The following EPB41L3 variants were observed in gnomAD, a reference collection of about 807,000 sequenced individuals.
EPB41L3 encodes the protein erythrocyte membrane protein band 4.1 like 3.
Under a neutral mutation model 127.1 loss-of-function variants are expected in EPB41L3, and 57 were observed. That is an observed-to-expected ratio of 0.45 (90% CI 0.36 to 0.56). The LOEUF (loss-of-function observed/expected upper bound fraction) is 0.56. Among genes scored for constraint, EPB41L3 ranks in the 20% least tolerant of loss-of-function variants. EPB41L3 has a pLI of 0.00. For missense variants in EPB41L3, 1,273 were observed against 1,372.2 expected (o/e 0.93, Z 1.14); for synonymous variants, 572 against 549.5 (o/e 1.04, Z -0.57).
intron 3 of EPB41L3, among the ~76,000 whole-genome samples, chr18:5,561,257 G>A (rs1034295238): frequency 1.8e-4 from 27 of 152,108 alleles, no homozygotes; most frequent in African/African-American, 5.8e-4. Flanking sequence ...GATTATAGGC[G>A]TGAGCCACCG....
At chr18:5,448,063 GA>G (rs2081772913) in intron 3 of EPB41L3, among the ~76,000 whole-genome samples, 1 of 152,122 alleles carries the variant, frequency 6.6e-6, no homozygotes, top group South Asian at 2.1e-4. Context: ...GATGACTATG[GA>G]AAAGGCTTTT....
intron 3 of EPB41L3, among the ~76,000 whole-genome samples, chr18:5,457,934 T>C (rs779855307): frequency 6.6e-6 from 1 of 152,144 alleles, no homozygotes; most frequent in Admixed American, 6.5e-5. Context: ...TTTATTTTTG[T>C]TTGTATTAGA....
intron 1 of EPB41L3, among the ~76,000 whole-genome samples, chr18:5,497,682 C>T (rs1003508835): frequency 6.6e-6 from 1 of 152,220 alleles, no homozygotes; most frequent in African/African-American, 2.4e-5. Context: ...AACCCGATAT[C>T]ATCAGCAATA....
In EPB41L3 at chr18:5,397,553, G is replaced by A. The variant is rs150053008; in HGVS notation, c.2473-127C>T. On this transcript the variant is annotated intron_variant, in intron 17 of 22. Transcript: ENST00000341928. The surrounding 1 kb of genome is among the most constrained non-coding windows in gnomAD (Gnocchi z 4.1). ...AGTGCTTATAACCAGAAACACTGACGAAAAATATAAATTAGCTTTCATTTC... is the reference window on the plus strand; with the variant it reads ...AGTGCTTATAACCAGAAACACTGACAAAAAATATAAATTAGCTTTCATTTC... 742 of 1,151,874 alleles carry A rather than the reference G, an allele frequency of 6.4e-4. 2 individuals are homozygous for A. In the East Asian group the frequency reaches 0.017, roughly 26 times the overall value. 71.4% of individuals were successfully genotyped at this position (1,151,874 alleles called of 1,614,324 possible). A position where few individuals can be genotyped will look rare whatever the true frequency, so the allele number is the denominator to read the frequency against.
intron 11 of EPB41L3, among the ~76,000 whole-genome samples, chr18:5,421,892 G>C (rs1373021708): frequency 6.6e-6 from 1 of 152,006 alleles, no homozygotes; most frequent in East Asian, 1.9e-4. Flanking sequence ...TCAGGTGACA[G>C]GTGCACTAAA....
chr18:5,415,438 T>A (rs954543532), intron 13 of EPB41L3, among the ~76,000 whole-genome samples: 15 of 152,222 alleles, frequency 9.9e-5, no homozygotes, highest in Admixed American at 7.2e-4. Context: ...TCATTTAAGT[T>A]GAAAACTACT....
chr18:5,436,502 A>G (rs1177803574), intron 6 of EPB41L3, among the ~76,000 whole-genome samples: 9 of 134,562 alleles, frequency 6.7e-5, no homozygotes, highest in African/African-American at 2.2e-4. Flanking sequence ...TCCGCCTCCC[A>G]GGTTCACGCC....
chr18:5,433,529 C>T lies in EPB41L3; in HGVS notation c.852G>A (p.Met284Ile). The T allele has an allele frequency of 6.2e-7, 1 of 1,613,194 alleles. No individual in the cohort carries two copies. ...ATTTTTTGGCATTTTCCAAGAAATG[C>T]ATCTCTGCTTCTGCTGGCGTCATTC... ...HRGMTPAEAE[M>I]HFLENAKKLS... Residue 284 changes from methionine (M) to isoleucine (I), a missense_variant, in exon 8 of 23, where the codon ATG becomes ATA. Physicochemically the swap from Met to Ile is conservative, Grantham distance 10. This residue lies in a region of EPB41L3 where 326 missense variants were observed against 440.2 expected (regional missense o/e 0.74). Coordinates refer to ENST00000341928, the MANE Select transcript of EPB41L3 (RefSeq NM_012307.5).
At chr18:5,430,415 G>A (rs952341390) in intron 8 of EPB41L3, among the ~76,000 whole-genome samples, 1 of 151,998 alleles carries the variant, frequency 6.6e-6, no homozygotes, top group Non-Finnish European at 1.5e-5. Flanking sequence ...AGAGGTTAAT[G>A]AAAAATGAAA....
chr18:5,441,050 A>G (rs1288356914), intron 5 of EPB41L3, among the ~76,000 whole-genome samples: 1 of 152,092 alleles, frequency 6.6e-6, no homozygotes, highest in Non-Finnish European at 1.5e-5. Context: ...GCGCTCAGCT[A>G]ATTAAAACAA....
intron 5 of EPB41L3, among the ~76,000 whole-genome samples, chr18:5,440,618 T>A (rs1475362600): frequency 6.6e-6 from 1 of 152,214 alleles, no homozygotes; most frequent in African/African-American, 2.4e-5. Flanking sequence ...AAATTTATGA[T>A]AAATAGAAAA....
At chr18:5,452,782 T>TTGTG (rs72378439) in intron 3 of EPB41L3, among the ~76,000 whole-genome samples, 45 of 150,882 alleles carry the variant, frequency 3.0e-4, no homozygotes, top group African/African-American at 8.0e-4. Context: ...TAAAAATTTG[T>TTGTG]TGTGTGTGTG....
chr18:5,615,365 CTTTAT>C (rs946231287), intron 1 of EPB41L3, among the ~76,000 whole-genome samples: 6 of 151,846 alleles, frequency 4.0e-5, no homozygotes, highest in African/African-American at 1.2e-4. Context: ...GGTTTTATCT[CTTTAT>C]TTTAATTTTT....
chr18:5,409,275 T>C (rs1320190379), intron 14 of EPB41L3, among the ~76,000 whole-genome samples: 1 of 152,240 alleles, frequency 6.6e-6, no homozygotes, highest in African/African-American at 2.4e-5. Context: ...AAATGTTACA[T>C]AATACATTTT....
chr18:5,585,285 G>A (rs2094432428), intron 3 of EPB41L3, among the ~76,000 whole-genome samples: 1 of 152,082 alleles, frequency 6.6e-6, no homozygotes, highest in Non-Finnish European at 1.5e-5. Context: ...AAGACATAAG[G>A]ATCTTAAGAT....
intron 3 of EPB41L3, among the ~76,000 whole-genome samples, chr18:5,602,650 T>C (rs1484630371): frequency 1.3e-5 from 2 of 152,184 alleles, no homozygotes; most frequent in Non-Finnish European, 2.9e-5. Flanking sequence ...TTCACTTTGT[T>C]GCCTAGGCAG....
At chr18:5,499,302 A>C (rs1203118532) in intron 1 of EPB41L3, among the ~76,000 whole-genome samples, 1 of 152,168 alleles carries the variant, frequency 6.6e-6, no homozygotes. Context: ...AGTCATGTAC[A>C]TTGGTATGCG....
At position 5,397,471 on chromosome 18, in the gene EPB41L3, C is replaced by A; in HGVS notation, c.2473-45G>T. The A allele has an allele frequency of 6.5e-7, 1 of 1,545,004 alleles. No homozygotes were observed. The highest frequency in any genetic ancestry group is 8.7e-7 in the Non-Finnish European group (1 of 1,147,136). ...GGCATCAGTGTGACCATCCATAAAC[C>A]AAAGGTCAGAAAATAACTAAAGCTG... On this transcript the variant is annotated intron_variant, in intron 17 of 22. Transcript: ENST00000341928. This position sits in a 1 kb window ranked among gnomAD's most constrained non-coding sequence, Gnocchi z 4.1.
intron 5 of EPB41L3, among the ~76,000 whole-genome samples, chr18:5,442,825 T>G (rs1443104094): frequency 6.6e-6 from 1 of 152,244 alleles, no homozygotes; most frequent in Non-Finnish European, 1.5e-5. Context: ...TGGATGATAC[T>G]GCTGGAGTAA....
Sources: allele counts gnomAD v4.1 joint callset (sites outside exome capture counted in the v4.1 genomes callset), GRCh38; gene constraint gnomAD v4.1.1; regional missense constraint gnomAD v4.1.1; non-coding constraint Gnocchi (gnomAD v3.1); transcripts MANE v1.5; gene names NCBI Gene and HGNC (gene_info 2026-07-23, HGNC 2026-07-21).